The following NCF2 variants were observed in gnomAD, a reference collection of about 807,000 sequenced individuals.
NCF2 encodes neutrophil cytosolic factor 2.
NCF2 carries 45 observed loss-of-function variants against 70.9 expected under a neutral mutation model. The ratio of observed to expected loss-of-function variants is 0.63; its 90% CI spans 0.50 to 0.81. The LOEUF (loss-of-function observed/expected upper bound fraction) is 0.81, where lower values mean the gene tolerates loss of function less well. NCF2 is among the 40% of genes least tolerant of loss of function. The probability of loss-of-function intolerance (pLI) is 0.00; values close to 1 mark genes in which losing one functional copy is unlikely to be tolerated. For missense variants in NCF2, 522 were observed against 631.6 expected (o/e 0.83, Z 1.86); for synonymous variants, 203 against 233.6 (o/e 0.87, Z 1.19).
intron 9 of NCF2, among the ~76,000 whole-genome samples, chr1:183,565,993 A>C (rs2102888072): frequency 6.6e-6 from 1 of 152,356 alleles, no homozygotes; most frequent in Non-Finnish European, 1.5e-5. Flanking sequence ...AAATCACAGT[A>C]GAAAGAAGAA....
intron 13 of NCF2, among the ~76,000 whole-genome samples, chr1:183,560,994 TC>T (rs1229177953): frequency 1.3e-5 from 2 of 152,190 alleles, no homozygotes; most frequent in Non-Finnish European, 2.9e-5. Context: ...AATCAGAAAC[TC>T]CCTGAAGGTG....
intron 3 of NCF2, among the ~76,000 whole-genome samples, chr1:183,576,573 T>C (rs1335807603): frequency 6.6e-6 from 1 of 152,180 alleles, no homozygotes; most frequent in Non-Finnish European, 1.5e-5. Context: ...TACAAGATTG[T>C]CTGGTCCAAC....
At chr1:183,564,157 G>A in intron 10 of NCF2, 127 bp from the exon 11 acceptor site, 2 of 943,964 alleles carry the variant, frequency 2.1e-6, no homozygotes, top group Middle Eastern at 2.1e-4. Context: ...TAATTTGTGG[G>A]GCAATTATTA....
At chr1:183,586,126 G>C (rs1211239658) in intron 2 of NCF2, among the ~76,000 whole-genome samples, 1 of 152,212 alleles carries the variant, frequency 6.6e-6, no homozygotes, top group African/African-American at 2.4e-5. Flanking sequence ...CCTGAGGTCG[G>C]GAGTTCAAGA....
In NCF2 at chr1:183,587,595, C is replaced by CAAAAAAAAA. The variant is rs11287969; in HGVS notation, c.175-627_175-619dup. On this transcript the variant is annotated intron_variant, in intron 1 of 14. Transcript: ENST00000367535. ...GGCAACAAAGTAAGGCACCCTGTCT[C>CAAAAAAAAA]AAAAAAAAAAAAAAAAAAAAAAAAA... Among the ~76,000 whole-genome samples the CAAAAAAAAA allele has an allele frequency of 2.9e-4, 12 of 41,888 alleles. No individual in the cohort carries two copies. The South Asian group carries it at 4.6e-3, about 16-fold the overall frequency. 27.5% of individuals were successfully genotyped at this position (41,888 alleles called of 152,430 possible).
chr1:183,600,774 C>T, the NCF2 span, among the ~76,000 whole-genome samples: 27 of 152,004 alleles, frequency 1.8e-4, no homozygotes, highest in South Asian at 4.2e-4. Flanking sequence ...GACAGAAGAG[C>T]CTCCCAGAAT....
chr1:183,591,688 G>A (rs1673657445), upstream of NCF2, among the ~76,000 whole-genome samples: 1 of 152,046 alleles, frequency 6.6e-6, no homozygotes, highest in African/African-American at 2.4e-5. Flanking sequence ...TCACCATGTT[G>A]GCCAGGCTGA....
intron 2 of NCF2, 118 bp downstream of exon 2, chr1:183,586,777 C>T: frequency 1.1e-6 from 1 of 912,922 alleles, no homozygotes; most frequent in Non-Finnish European, 1.8e-6. Flanking sequence ...CCAGAAGGGC[C>T]AGTCACATTT....
At chr1:183,589,920 G>A (rs1673561475) in intron 1 of NCF2, among the ~76,000 whole-genome samples, 3 of 152,166 alleles carry the variant, frequency 2.0e-5, no homozygotes, top group Non-Finnish European at 4.4e-5. Flanking sequence ...TAATTTAGAA[G>A]ATGGAGAAAG....
the NCF2 span, among the ~76,000 whole-genome samples, chr1:183,597,184 T>C: frequency 6.6e-6 from 1 of 152,240 alleles, no homozygotes; most frequent in Non-Finnish European, 1.5e-5. Context: ...CCTGCATTTT[T>C]CGTCTAGAGT....
intron 1 of NCF2, among the ~76,000 whole-genome samples, chr1:183,588,102 G>C (rs1572179204): frequency 6.6e-6 from 1 of 152,218 alleles, no homozygotes; most frequent in East Asian, 1.9e-4. Flanking sequence ...AGTTCTCCTA[G>C]TTTGAGTAGA....
chr1:183,571,100 T>C (rs1672534933), intron 5 of NCF2, among the ~76,000 whole-genome samples: 1 of 149,134 alleles, frequency 6.7e-6, no homozygotes, highest in South Asian at 2.1e-4. Flanking sequence ...GCAATTTGTA[T>C]AACATCAAAT....
Position 183,590,039 on chromosome 1 carries a change from T to C in NCF2, c.174+117A>G, listed in dbSNP as rs1673567390. 2.7e-6 allele frequency: 4 copies of C among 1,499,602 alleles called. No homozygotes were observed. The East Asian group carries it at 9.0e-5, about 34-fold the overall frequency. 92.9% of individuals were successfully genotyped at this position (1,499,602 alleles called of 1,614,324 possible). Reference sequence around the variant, plus strand: ...AATCAGGCTGTCTAGGGGTGGAGCTTGGGCAACTTTTGTTCTTTTCAATCT... The same window carrying C: ...AATCAGGCTGTCTAGGGGTGGAGCTCGGGCAACTTTTGTTCTTTTCAATCT... On this transcript the variant is annotated intron_variant, in intron 1 of 14. Coordinates refer to ENST00000367535, the MANE Select transcript of NCF2 (RefSeq NM_000433.4).
In NCF2 at chr1:183,560,965, C is replaced by T. The variant is rs149735720; in HGVS notation, c.1291-692G>A. 1.0e-3 allele frequency among the ~76,000 whole-genome samples: 158 copies of T among 152,326 alleles called. 1 individual carries two copies. Among genetic ancestry groups the T allele is most frequent in the Non-Finnish European group, 1.9e-3 (130 of 68,030 alleles). ...CCTTGTTAGAAATGCAGACTTTCAA[C>T]TCCATCCCAAAACTACTAAATCAGA... On this transcript the variant is annotated intron_variant, in intron 13 of 14. Transcript: ENST00000367535.
At chr1:183,573,476 TG>T (rs1202974338) in intron 4 of NCF2, among the ~76,000 whole-genome samples, 184 bp from the exon 5 acceptor site, 2 of 152,206 alleles carry the variant, frequency 1.3e-5, no homozygotes, top group Admixed American at 1.3e-4. Flanking sequence ...TACCACCTTC[TG>T]CTGCGAGGCC....
intron 1 of NCF2, among the ~76,000 whole-genome samples, chr1:183,589,567 G>A (rs1014306352): frequency 2.6e-5 from 4 of 152,134 alleles, no homozygotes; most frequent in African/African-American, 7.2e-5. Context: ...AAAAAGATGC[G>A]AGACATCCCA....
chr1:183,581,281 C>CAA (rs1303349542), intron 2 of NCF2, among the ~76,000 whole-genome samples: 1,493 of 66,788 alleles, frequency 0.022, 81 homozygotes, highest in African/African-American at 0.096. Flanking sequence ...AATCCTGACT[C>CAA]AAAAAAAAAA....
rs768800076 is a variant in NCF2, at chr1:183,567,170, T to C, written c.855+34A>G. Reference sequence around the variant, plus strand: ...GACTGCATTTGCTGCCAGGATCCCATGCCCATCGCACCAGCCCCTGATCCT... The same window carrying C: ...GACTGCATTTGCTGCCAGGATCCCACGCCCATCGCACCAGCCCCTGATCCT... On this transcript the variant is annotated intron_variant, in intron 8 of 14. Coordinates refer to ENST00000367535, the MANE Select transcript of NCF2 (RefSeq NM_000433.4). The C allele has an allele frequency of 1.9e-5, 30 of 1,613,934 alleles. No homozygotes were observed. The Admixed American group carries it at 4.5e-4, about 24-fold the overall frequency.
At chr1:183,563,141 T>C (rs1672144835) in intron 13 of NCF2, 54 bp downstream of exon 13, 2 of 1,511,410 alleles carry the variant, frequency 1.3e-6, no homozygotes, top group Non-Finnish European at 1.8e-6. Context: ...TTTCAAATTG[T>C]TGAGGAAGTG....
Sources: gnomAD v4.1 joint callset for allele counts (sites outside exome capture counted in the v4.1 genomes callset) on GRCh38, gnomAD v4.1.1 for gene constraint, MANE v1.5 for transcripts, NCBI Gene and HGNC (gene_info 2026-07-23, HGNC 2026-07-21) for gene names.